CAND2: variants seen among roughly 807,000 people sequenced by gnomAD.
CAND2 encodes the protein cullin-associated NEDD8-dissociated protein 2.
In CAND2, 62 loss-of-function variants were observed where a neutral mutation model predicts 98.9. The ratio of observed to expected loss-of-function variants is 0.63; its 90% CI spans 0.51 to 0.77. The LOEUF (loss-of-function observed/expected upper bound fraction) is 0.77, where lower values mean the gene tolerates loss of function less well. Ranked by LOEUF, CAND2 falls within the 30% of genes least tolerant of loss-of-function variation. The pLI is 0.00. For synonymous variants in CAND2, 770 were observed against 731.9 expected, an observed-to-expected ratio of 1.05 and a Z score of -0.84; for missense variants, 1,501 against 1,655.2, an observed-to-expected ratio of 0.91 and a Z score of 1.62.
intron 13 of CAND2, among the ~76,000 whole-genome samples, chr3:12,829,862 A>G (rs915152406): frequency 2.0e-5 from 3 of 152,210 alleles, no homozygotes; most frequent in Non-Finnish European, 2.9e-5. Context: ...TTCAATATAT[A>G]TCAGTCCTGT....
At chr3:12,831,343 T>C (rs905671757) in intron 13 of CAND2, 122 bp from the exon 14 acceptor site, 3 of 749,496 alleles carry the variant, frequency 4.0e-6, no homozygotes, top group African/African-American at 1.7e-5. Flanking sequence ...CTGGCAGGAC[T>C]TCACGGTGGT....
rs1037671904 is a variant in CAND2 at position 12,834,698 on chromosome 3, G to C, written c.*716G>C. On this transcript the variant is annotated 3_prime_UTR_variant, in exon 15 of 15. Coordinates refer to ENST00000456430, the MANE Select transcript of CAND2 (RefSeq NM_001162499.2). ...GTTGGTTTGTTTCCTTCTGAGGAAGGTTTCAAATGTGTCTAGTGTTCAGTA... is the reference window on the plus strand; with the variant it reads ...GTTGGTTTGTTTCCTTCTGAGGAAGCTTTCAAATGTGTCTAGTGTTCAGTA... The C allele has an allele frequency of 6.6e-6, 1 of 152,362 alleles. No individual in the cohort carries two copies. The highest frequency in any genetic ancestry group is 2.4e-5 in the African/African-American group (1 of 41,464). 9.4% of individuals were successfully genotyped at this position (152,362 alleles called of 1,614,324 possible).
chr3:12,818,532 C>G (rs570013118), intron 10 of CAND2, among the ~76,000 whole-genome samples: 1 of 152,294 alleles, frequency 6.6e-6, no homozygotes, highest in East Asian at 1.9e-4. Flanking sequence ...TTTTGGCACA[C>G]CAGGTGTCTT....
intron 1 of CAND2, among the ~76,000 whole-genome samples, chr3:12,802,042 C>T (rs1020429279): frequency 2.0e-5 from 3 of 152,060 alleles, no homozygotes; most frequent in Non-Finnish European, 4.4e-5. Flanking sequence ...TTCTGGTATC[C>T]CTTGGCTGGG....
In CAND2 at chr3:12,816,577, G is replaced by T. The variant is rs1339256452; in HGVS notation, c.1645G>T (p.Val549Leu). 6.2e-7 allele frequency: 1 copy of T among 1,613,934 alleles called. No individual in the cohort carries two copies. Among genetic ancestry groups the T allele is most frequent in the Non-Finnish European group, 8.5e-7 (1 of 1,180,026 alleles). The change falls in exon 10 of 15, where the codon GTG (valine) becomes TTG (leucine). Residue 549 changes from valine (V) to leucine (L), a missense_variant. Val to Leu is a conservative substitution (Grantham distance 32, BLOSUM62 1). Coordinates refer to ENST00000456430, the MANE Select transcript of CAND2 (RefSeq NM_001162499.2). ...AEALVVLQEL[V>L]RALWPLHRPR... is the part of the protein sequence containing the mutation. The stretch of plus-strand genomic sequence containing the variant: ...GGCCCTGGTGGTGCTGCAGGAGCTG[G>T]TGCGGGCCCTGTGGCCGCTGCACAG...
At position 12,827,699 on chromosome 3, in the gene CAND2, C is replaced by G. The variant is rs1433250592; in HGVS notation, c.3375+95C>G. 8 of 1,170,338 alleles carry G rather than the reference C, an allele frequency of 6.8e-6. No homozygotes were observed. The Admixed American group carries it at 9.4e-5, about 14-fold the overall frequency. The allele number at this position is 1,170,338 out of a possible 1,614,324, so 72.5% of individuals were successfully genotyped here. A position where few individuals can be genotyped will look rare whatever the true frequency, so the allele number is the denominator to read the frequency against. ...TGCTTGTTTGTCCTTGCTCCCTACTCCAGGCACCCAATGAAAATAGCTGCA... is the reference window on the plus strand; with the variant it reads ...TGCTTGTTTGTCCTTGCTCCCTACTGCAGGCACCCAATGAAAATAGCTGCA... On this transcript the variant is annotated intron_variant, in intron 13 of 14. Coordinates refer to ENST00000456430, the MANE Select transcript of CAND2 (RefSeq NM_001162499.2).
In CAND2 at chr3:12,834,094, T is replaced by C; in HGVS notation, c.*112T>C. On this transcript the variant is annotated 3_prime_UTR_variant, in exon 15 of 15. Coordinates refer to ENST00000456430, the MANE Select transcript of CAND2 (RefSeq NM_001162499.2). ...TACTTTTGCCCTTCCACCATCTCACTGGGGGCCCTGTCGCTCCTGGTCAGG... is the reference window on the plus strand; with the variant it reads ...TACTTTTGCCCTTCCACCATCTCACCGGGGGCCCTGTCGCTCCTGGTCAGG... 8.3e-6 allele frequency: 7 copies of C among 847,036 alleles called. No homozygotes were observed. The highest frequency in any genetic ancestry group is 1.1e-5 in the Non-Finnish European group (6 of 533,404). The allele number at this position is 847,036 out of a possible 1,614,324, so 52.5% of individuals were successfully genotyped here. A position where few individuals can be genotyped will look rare whatever the true frequency, so the allele number is the denominator to read the frequency against.
chr3:12,809,968 AG>A, intron 4 of CAND2, 90 bp from the exon 5 acceptor site: 1 of 1,353,882 alleles, frequency 7.4e-7, no homozygotes, highest in Non-Finnish European at 9.6e-7. Flanking sequence ...AATCCTGGGA[AG>A]GAGGCCGGGA....
At position 12,817,051 on chromosome 3, in the gene CAND2, G is replaced by A. The variant is rs781775178; in HGVS notation, c.2119G>A (p.Asp707Asn). 5.0e-6 allele frequency: 8 copies of A among 1,612,830 alleles called. No individual in the cohort carries two copies. The highest frequency in any genetic ancestry group is 1.6e-4 in the Middle Eastern group (1 of 6,084). The change falls in exon 10 of 15, where the codon GAC (aspartate) becomes AAC (asparagine). Residue 707 changes from aspartate to asparagine, a missense_variant. By Grantham distance (23) the Asp-to-Asn change is conservative (BLOSUM62 1). Around this residue, in one of 3 missense-constraint regions of CAND2, gnomAD observed 1,427 missense variants for 1,545.3 expected, o/e 0.92. Transcript: ENST00000456430. ...AELPALVNESDMHVAQLAVDF... is the reference protein window; with the variant it reads ...AELPALVNESNMHVAQLAVDF... ...GCTGCCTGCCCTGGTCAACGAGAGC[G>A]ACATGCATGTGGCCCAGCTGGCTGT...
chr3:12,796,709 C>T lies in CAND2; in HGVS notation c.-12C>T. ...TCCCTCCCGCCGGCCGGCTCCGCGG[C>T]GCGCAGCCACCATGAGCACCGCCGC... On this transcript the variant is annotated 5_prime_UTR_variant, in exon 1 of 15. Transcript: ENST00000456430. The T allele has an allele frequency of 2.5e-6, 4 of 1,569,038 alleles. No homozygotes were observed. Among genetic ancestry groups the T allele is most frequent in the Non-Finnish European group, 2.6e-6 (3 of 1,158,162 alleles).
chr3:12,823,030 CAT>C (rs1169873453), intron 11 of CAND2, among the ~76,000 whole-genome samples: 1 of 152,164 alleles, frequency 6.6e-6, no homozygotes, highest in Non-Finnish European at 1.5e-5. Flanking sequence ...GCCCCCTTTC[CAT>C]ATGTGTAACT....
chr3:12,803,029 G>A (rs1011542778), intron 1 of CAND2, among the ~76,000 whole-genome samples: 8 of 133,182 alleles, frequency 6.0e-5, no homozygotes, highest in African/African-American at 2.0e-4. Flanking sequence ...TCTCTCTGTC[G>A]CCCAGGCTGG....
At chr3:12,829,407 A>AC (rs766831897) in intron 13 of CAND2, among the ~76,000 whole-genome samples, 1 of 152,166 alleles carries the variant, frequency 6.6e-6, no homozygotes, top group African/African-American at 2.4e-5. Context: ...TCGGCCTCCC[A>AC]AAGTGTTGGG....
chr3:12,810,584 A>G (rs943293803), intron 5 of CAND2, among the ~76,000 whole-genome samples: 12 of 152,326 alleles, frequency 7.9e-5, no homozygotes, highest in Admixed American at 3.9e-4. Flanking sequence ...GAGCTCGACA[A>G]ACCCCCAGGC....
intron 2 of CAND2, among the ~76,000 whole-genome samples, chr3:12,805,986 AT>A (rs1458596706): frequency 2.6e-5 from 4 of 152,204 alleles, no homozygotes; most frequent in Non-Finnish European, 5.9e-5. Flanking sequence ...AGGAGGTAGG[AT>A]GGAGGACTCC....
intron 13 of CAND2, among the ~76,000 whole-genome samples, chr3:12,829,356 A>G (rs1208214421): frequency 1.3e-5 from 2 of 152,184 alleles, no homozygotes; most frequent in African/African-American, 4.8e-5. Flanking sequence ...CATGTTGGCT[A>G]GGCTGGTCTT....
rs1451475167 is a variant in CAND2, at chr3:12,834,596, C to T, written c.*614C>T. ...CTGGACAGGCTTGGACCTCATGTTTCATTTCTAATTTCAAAATACTTATTA... is the reference window on the plus strand; with the variant it reads ...CTGGACAGGCTTGGACCTCATGTTTTATTTCTAATTTCAAAATACTTATTA... On this transcript the variant is annotated 3_prime_UTR_variant, in exon 15 of 15. Transcript: ENST00000456430. 2.6e-5 allele frequency: 4 copies of T among 152,490 alleles called. No homozygotes were observed. The highest frequency in any genetic ancestry group is 4.4e-5 in the Non-Finnish European group (3 of 68,294). The allele number at this position is 152,490 out of a possible 1,614,324, so 9.4% of individuals were successfully genotyped here.
intron 14 of CAND2, 105 bp downstream of exon 14, chr3:12,831,677 T>C (rs1227970039): frequency 4.5e-6 from 3 of 660,552 alleles, no homozygotes; most frequent in African/African-American, 1.8e-5. Context: ...GCAGGTGATG[T>C]TGTGAAAGTG....
intron 4 of CAND2, 131 bp downstream of exon 4, chr3:12,808,464 C>A: frequency 2.0e-6 from 2 of 1,020,620 alleles, no homozygotes; most frequent in South Asian, 1.6e-5. Context: ...CCAGCAGCCT[C>A]GTAAAGGAGA....
Sources: gnomAD v4.1 joint callset for allele counts (sites outside exome capture counted in the v4.1 genomes callset) on GRCh38, gnomAD v4.1.1 for gene constraint, gnomAD v4.1.1 regional missense constraint, MANE v1.5 for transcripts, NCBI Gene and HGNC (gene_info 2026-07-23, HGNC 2026-07-21) for gene names.